P4HA1: variants seen among roughly 807,000 people sequenced by gnomAD.
P4HA1 encodes prolyl 4-hydroxylase subunit alpha 1, also known as prolyl 4-hydroxylase subunit alpha-1.
A neutral mutation model predicts 72.8 loss-of-function variants in P4HA1; 24 were observed. The observed-to-expected ratio is 0.33, with a 90% CI of 0.24 to 0.46. The LOEUF (loss-of-function observed/expected upper bound fraction) is 0.46. Among genes scored for constraint, P4HA1 ranks in the 20% least tolerant of loss-of-function variants. The probability of loss-of-function intolerance (pLI) is 1.00; values close to 1 mark genes in which losing one functional copy is unlikely to be tolerated. For synonymous variants in P4HA1, 201 were observed against 218.8 expected (o/e 0.92, Z 0.72); for missense variants, 446 against 640.6 (o/e 0.70, Z 3.28).
At chr10:73,047,413 T>C (rs1290065608) in intron 7 of P4HA1, among the ~76,000 whole-genome samples, 1 of 151,804 alleles carries the variant, frequency 6.6e-6, no homozygotes, top group African/African-American at 2.4e-5. Flanking sequence ...AAAGCCATGT[T>C]TATGAAAATA....
rs1841577208 is a variant in P4HA1, at chr10:73,072,090, C to T, written c.264G>A (p.Met88Ile). The change falls in exon 4 of 15, where the codon ATG becomes ATA. Residue 88 changes from methionine to isoleucine, a missense_variant. Met to Ile is a conservative substitution (Grantham distance 10, BLOSUM62 1). Coordinates refer to ENST00000394890, the MANE Select transcript of P4HA1 (RefSeq NM_001017962.3). ...CACTCCACTCAGTATTCAGACGTTTCATTAATTTGAATGCATTTACTGGAT... is the reference window on the plus strand; with the variant it reads ...CACTCCACTCAGTATTCAGACGTTTTATTAATTTGAATGCATTTACTGGAT... ...VGHPVNAFKLMKRLNTEWSEL... is the reference protein window; with the variant it reads ...VGHPVNAFKLIKRLNTEWSEL... 1.2e-6 allele frequency: 2 copies of T among 1,613,002 alleles called. No homozygotes were observed. The highest frequency in any genetic ancestry group is 2.7e-5 in the African/African-American group (2 of 74,900).
chr10:73,091,856 TATC>T (rs1175985424), intron 1 of P4HA1, among the ~76,000 whole-genome samples: 2 of 152,208 alleles, frequency 1.3e-5, no homozygotes, highest in African/African-American at 4.8e-5. Flanking sequence ...AATATACTCT[TATC>T]TCTGAACATG....
At chr10:73,047,446 T>C (rs1227222021) in intron 7 of P4HA1, among the ~76,000 whole-genome samples, 6 of 148,936 alleles carry the variant, frequency 4.0e-5, no homozygotes, top group Non-Finnish European at 8.9e-5. Context: ...CTGGCATTGC[T>C]CTAAATGGCA....
At chr10:73,073,895 T>C (rs1260771055) in intron 2 of P4HA1, 68 bp from the exon 3 acceptor site, 7 of 783,094 alleles carry the variant, frequency 8.9e-6, no homozygotes, top group South Asian at 4.1e-5. Flanking sequence ...ATAAGAATGA[T>C]TGAGACTGTT....
chr10:73,030,616 A>C (rs111256248), intron 9 of P4HA1, among the ~76,000 whole-genome samples: 2 of 152,154 alleles, frequency 1.3e-5, no homozygotes, highest in Non-Finnish European at 2.9e-5. Context: ...GCTTATATGA[A>C]AACAGTTGGA....
At chr10:73,037,555 ATATATATATATATATAT>A (rs1350539398) in intron 9 of P4HA1, among the ~76,000 whole-genome samples, 610 of 32,792 alleles carry the variant, frequency 0.019, 36 homozygotes, top group African/African-American at 0.061. Flanking sequence ...ATATATATAT[ATATATATATATATATAT>A]TTTTTTTTTT....
At chr10:73,023,408 TA>T (rs1840184168) in intron 10 of P4HA1, among the ~76,000 whole-genome samples, 1 of 152,110 alleles carries the variant, frequency 6.6e-6, no homozygotes, top group Non-Finnish European at 1.5e-5. Context: ...GCTTTCTAAA[TA>T]AAGGAGAAAT....
At chr10:73,050,804 A>G (rs1841001848) in intron 7 of P4HA1, among the ~76,000 whole-genome samples, 1 of 152,158 alleles carries the variant, frequency 6.6e-6, no homozygotes, top group South Asian at 2.1e-4. Flanking sequence ...CTCCTGGTTC[A>G]AGTGATCCTC....
chr10:73,058,390 T>G (rs921636058), intron 5 of P4HA1, among the ~76,000 whole-genome samples: 1 of 152,152 alleles, frequency 6.6e-6, no homozygotes, highest in Non-Finnish European at 1.5e-5. Context: ...CCACTATAAA[T>G]CCTGCCTTTA....
At chr10:73,075,183 C>T (rs1017748280) in intron 1 of P4HA1, among the ~76,000 whole-genome samples, 1 of 152,116 alleles carries the variant, frequency 6.6e-6, no homozygotes, top group Non-Finnish European at 1.5e-5. Context: ...TCTTGGCTCA[C>T]GGCAACCTCC....
intron 12 of P4HA1, 116 bp downstream of exon 12, chr10:73,014,108 T>G (rs1490233707): frequency 2.8e-6 from 2 of 714,088 alleles, no homozygotes; most frequent in African/African-American, 3.6e-5. Context: ...TTTATTCAGT[T>G]GTAAAAATGT....
chr10:73,073,772 A>C lies in P4HA1; in HGVS notation c.132T>G (p.Asp44Glu). The change falls in exon 3 of 15, where the codon GAT becomes GAG. Residue 44 changes from aspartate (D) to glutamate (E), a missense_variant. Asp to Glu is a conservative substitution (Grantham distance 45). Transcript: ENST00000394890. ...ACTTGTCCTCTTCTGCCTTAATATA[A>C]TCTTTCAGAGAAGTCACCAGATCTT... is the stretch of plus-strand genomic sequence containing the variant. ...TEKDLVTSLK[D>E]YIKAEEDKLE... is the part of the protein sequence containing the mutation. The C allele has an allele frequency of 6.3e-7, 1 of 1,589,604 alleles. No homozygotes were observed. Among genetic ancestry groups the C allele is most frequent in the Middle Eastern group, 1.7e-4 (1 of 6,020 alleles).
chr10:73,031,192 A>G (rs1352291333), intron 9 of P4HA1, among the ~76,000 whole-genome samples: 2 of 152,200 alleles, frequency 1.3e-5, no homozygotes, highest in Non-Finnish European at 1.5e-5. Flanking sequence ...ACAAAAAGGA[A>G]TAAAGTACTG....
intron 12 of P4HA1, among the ~76,000 whole-genome samples, chr10:73,013,633 C>T (rs1197569604): frequency 1.3e-5 from 2 of 152,048 alleles, no homozygotes; most frequent in African/African-American, 4.8e-5. Context: ...TTTGGGGTAA[C>T]TAGAACAAAC....
chr10:73,085,306 T>C (rs1841903838), intron 1 of P4HA1, among the ~76,000 whole-genome samples: 1 of 152,130 alleles, frequency 6.6e-6, no homozygotes, highest in African/African-American at 2.4e-5. Context: ...GCGAAGACAA[T>C]GTAAAAAAGT....
chr10:73,067,105 G>A (rs988210000), intron 5 of P4HA1, among the ~76,000 whole-genome samples: 6 of 151,938 alleles, frequency 3.9e-5, no homozygotes, highest in Admixed American at 6.6e-5. Flanking sequence ...TACCCTCAAG[G>A]GATCCTTTCC....
At chr10:73,057,154 A>C (rs1841170063) in intron 5 of P4HA1, among the ~76,000 whole-genome samples, 1 of 152,106 alleles carries the variant, frequency 6.6e-6, no homozygotes, top group South Asian at 2.1e-4. Context: ...TAAACTACCC[A>C]GAATGCAGTA....
At chr10:73,082,496 T>A (rs1210768941) in intron 1 of P4HA1, 1 of 152,212 alleles carries the variant, frequency 6.6e-6, no homozygotes, top group South Asian at 2.1e-4. Flanking sequence ...TCTCTTTTTT[T>A]AAGCTAGTCA....
chr10:73,008,365 GTCT>G, intron 14 of P4HA1, 73 bp from the exon 15 acceptor site: 1 of 946,438 alleles, frequency 1.1e-6, no homozygotes, highest in Non-Finnish European at 1.7e-6. Context: ...TAAAAGCTAG[GTCT>G]ATAACAAAGT....
Sources: allele counts gnomAD v4.1 joint callset (sites outside exome capture counted in the v4.1 genomes callset), GRCh38; gene constraint gnomAD v4.1.1; transcripts MANE v1.5; gene names NCBI Gene and HGNC (gene_info 2026-07-23, HGNC 2026-07-21).